Variants in ATG5 observed in about 807,000 individuals in gnomAD.
ATG5 encodes autophagy protein 5.
Under a neutral mutation model 36.5 loss-of-function variants are expected in ATG5, and 14 were observed. That is an observed-to-expected ratio of 0.38 (90% CI 0.25 to 0.60). ATG5 has a LOEUF of 0.60. ATG5 is among the 20% of genes least tolerant of loss of function. The pLI, the probability that ATG5 is intolerant of heterozygous loss-of-function variation, is 0.60. For synonymous variants in ATG5, 95 were observed against 101.5 expected (o/e 0.94, Z 0.38); for missense variants, 195 against 326.7 (o/e 0.60, Z 3.11).
chr6:106,281,767 A>G (rs1056052871), intron 4 of ATG5, among the ~76,000 whole-genome samples: 3 of 152,214 alleles, frequency 2.0e-5, no homozygotes, highest in African/African-American at 4.8e-5. Flanking sequence ...ATTTTTCAAC[A>G]TGATGTACAA....
chr6:106,304,790 T>C (rs1396113526), intron 3 of ATG5, among the ~76,000 whole-genome samples: 3 of 152,116 alleles, frequency 2.0e-5, no homozygotes, highest in African/African-American at 7.2e-5. Flanking sequence ...CTTCAAACCA[T>C]ACTCCAAAAA....
intron 6 of ATG5, among the ~76,000 whole-genome samples, chr6:106,246,107 A>T (rs949978023): frequency 3.3e-5 from 5 of 152,190 alleles, no homozygotes; most frequent in Non-Finnish European, 2.9e-5. Context: ...AAATTCAAAT[A>T]AAAACCAAAA....
intron 3 of ATG5, among the ~76,000 whole-genome samples, chr6:106,297,285 T>A (rs1769995180): frequency 6.6e-6 from 1 of 152,190 alleles, no homozygotes; most frequent in Non-Finnish European, 1.5e-5. Flanking sequence ...TATTTGATAG[T>A]AGGCAAATGC....
intron 6 of ATG5, among the ~76,000 whole-genome samples, chr6:106,225,102 G>T (rs187997751): frequency 6.6e-6 from 1 of 152,216 alleles, no homozygotes; most frequent in South Asian, 2.1e-4. Flanking sequence ...TTTATTATGT[G>T]CCAGGCACAA....
At chr6:106,193,918 T>C (rs1776072218) in intron 7 of ATG5, among the ~76,000 whole-genome samples, 1 of 152,238 alleles carries the variant, frequency 6.6e-6, no homozygotes, top group Non-Finnish European at 1.5e-5. Flanking sequence ...TGTTTTCTAG[T>C]GCTAAAGATG....
chr6:106,201,362 A>AT (rs1364228014), intron 7 of ATG5, among the ~76,000 whole-genome samples: 1 of 151,384 alleles, frequency 6.6e-6, no homozygotes, highest in Non-Finnish European at 1.5e-5. Context: ...TGTTTTCTGC[A>AT]TTTTCTTGGT....
In ATG5 at chr6:106,271,547, C is replaced by G. The variant is rs541274509; in HGVS notation, c.478+8114G>C. 11 of 152,318 alleles carry G rather than the reference C, an allele frequency of 7.2e-5. 1 individual carries two copies. The South Asian group carries it at 2.1e-3, about 29-fold the overall frequency. 9.4% of individuals were successfully genotyped at this position (152,318 alleles called of 1,614,324 possible). A position where few individuals can be genotyped will look rare whatever the true frequency, so the allele number is the denominator to read the frequency against. ...CTAGATTGTGAAAATAATCAGACGT[C>G]TTCCCTAATCACCTTAATGTAAACA... On this transcript the variant is annotated intron_variant, in intron 5 of 7. Transcript: ENST00000369076.
intron 6 of ATG5, among the ~76,000 whole-genome samples, chr6:106,235,826 G>C (rs1048983827): frequency 4.7e-4 from 71 of 151,562 alleles, no homozygotes; most frequent in African/African-American, 1.6e-3. Flanking sequence ...AAAAAAAATA[G>C]CTTAATTGAA....
intron 7 of ATG5, among the ~76,000 whole-genome samples, chr6:106,189,915 T>C (rs947281675): frequency 6.6e-6 from 1 of 152,146 alleles, no homozygotes; most frequent in Admixed American, 6.5e-5. Context: ...AGTGAACTAG[T>C]TCTATATGAA....
Position 106,273,548 on chromosome 6 carries a change from A to G in ATG5, c.478+6113T>C, listed in dbSNP as rs1779532966. On this transcript the variant is annotated intron_variant, in intron 5 of 7. Coordinates refer to ENST00000369076, the MANE Select transcript of ATG5 (RefSeq NM_004849.4). Reference sequence around the variant, plus strand: ...ATTACCACCTTCGTATTTGTAATAAAACTCCAGCTTTACAGACATCACCTA... The same window carrying G: ...ATTACCACCTTCGTATTTGTAATAAGACTCCAGCTTTACAGACATCACCTA... Among the ~76,000 whole-genome samples, 6 of 152,320 alleles carry G rather than the reference A, an allele frequency of 3.9e-5. No individual in the cohort carries two copies. In the South Asian group the frequency reaches 1.0e-3, roughly 26 times the overall value.
chr6:106,218,185 C>T (rs1350180647), intron 6 of ATG5, among the ~76,000 whole-genome samples: 1 of 152,132 alleles, frequency 6.6e-6, no homozygotes, highest in African/African-American at 2.4e-5. Flanking sequence ...AATCACTGTA[C>T]TTATTTTAAA....
At chr6:106,193,543 A>C (rs1776054911) in intron 7 of ATG5, among the ~76,000 whole-genome samples, 1 of 152,214 alleles carries the variant, frequency 6.6e-6, no homozygotes, top group South Asian at 2.1e-4. Flanking sequence ...AAAGTGTATT[A>C]AATTAAGTGA....
chr6:106,264,645 T>G (rs954094830), intron 5 of ATG5, among the ~76,000 whole-genome samples: 21 of 152,198 alleles, frequency 1.4e-4, no homozygotes, highest in Admixed American at 1.4e-3. Context: ...CGGATCTCTC[T>G]GCAGAAACCC....
At chr6:106,284,692 G>T (rs1780007403) in intron 4 of ATG5, among the ~76,000 whole-genome samples, 2 of 150,998 alleles carry the variant, frequency 1.3e-5, no homozygotes, top group Non-Finnish European at 2.9e-5. Flanking sequence ...AATCTAGAGG[G>T]CGTGAAGGGG....
chr6:106,267,575 C>A (rs978100378), intron 5 of ATG5, among the ~76,000 whole-genome samples: 3 of 152,200 alleles, frequency 2.0e-5, no homozygotes, highest in African/African-American at 7.2e-5. Context: ...CATCATGCTA[C>A]CTGACTTCAA....
chr6:106,286,946 C>T (rs1780104134), intron 4 of ATG5, among the ~76,000 whole-genome samples: 1 of 152,200 alleles, frequency 6.6e-6, no homozygotes, highest in South Asian at 2.1e-4. Context: ...ACCCTCATAA[C>T]CTAGGCAGAA....
intron 5 of ATG5, among the ~76,000 whole-genome samples, chr6:106,251,916 C>T (rs1778608165): frequency 6.6e-6 from 1 of 151,986 alleles, no homozygotes; most frequent in Non-Finnish European, 1.5e-5. Context: ...TCTCTGCTCA[C>T]TGCAACCTCC....
intron 5 of ATG5, among the ~76,000 whole-genome samples, chr6:106,275,715 AAGTC>A (rs1365262694): frequency 6.6e-6 from 1 of 152,254 alleles, no homozygotes; most frequent in Non-Finnish European, 1.5e-5. Context: ...TTATTAGACT[AAGTC>A]AGCTACATTA....
At chr6:106,240,150 T>C (rs1306691250) in intron 6 of ATG5, among the ~76,000 whole-genome samples, 6 of 151,948 alleles carry the variant, frequency 3.9e-5, no homozygotes, top group African/African-American at 9.7e-5. Context: ...CCACTACGCC[T>C]GGCTAAGGGG....
Sources: allele counts gnomAD v4.1 joint callset (sites outside exome capture counted in the v4.1 genomes callset), GRCh38; gene constraint gnomAD v4.1.1; transcripts MANE v1.5; gene names NCBI Gene and HGNC (gene_info 2026-07-23, HGNC 2026-07-21).